The following OPCML variants were observed in gnomAD, a reference collection of about 807,000 sequenced individuals.
OPCML encodes the protein opioid binding protein/cell adhesion molecule like.
Under a neutral mutation model 37.8 loss-of-function variants are expected in OPCML, and 13 were observed. The observed-to-expected ratio is 0.34, with a 90% CI of 0.22 to 0.55. OPCML has a LOEUF of 0.55. Among genes scored for constraint, OPCML ranks in the 20% least tolerant of loss-of-function variants. The pLI is 0.91. For missense variants in OPCML, 341 were observed against 435.6 expected (o/e 0.78, Z 1.93); for synonymous variants, 176 against 168.8 (o/e 1.04, Z -0.33).
At chr11:133,363,360 T>C (rs933110510) in intron 1 of OPCML, among the ~76,000 whole-genome samples, 1 of 152,094 alleles carries the variant, frequency 6.6e-6, no homozygotes, top group African/African-American at 2.4e-5. Context: ...CTAGATGGCA[T>C]TGTGGTGAGT....
At chr11:133,167,715 C>T (rs1434357401) in intron 1 of OPCML, among the ~76,000 whole-genome samples, 1 of 152,078 alleles carries the variant, frequency 6.6e-6, no homozygotes, top group Non-Finnish European at 1.5e-5. Context: ...GTTCCTAAAG[C>T]TGTATTGCAG....
chr11:133,260,472 C>T lies in OPCML; in HGVS notation c.61+271792G>A, dbSNP rs537339079. ...CAGTATAGGTACTGATAAGGACGTACAGTCCTCAAAGGTGTTGAAGGTGGA... is the reference window on the plus strand; with the variant it reads ...CAGTATAGGTACTGATAAGGACGTATAGTCCTCAAAGGTGTTGAAGGTGGA... On this transcript the variant is annotated intron_variant, in intron 1 of 7. Coordinates refer to ENST00000524381, the MANE Select transcript of OPCML (RefSeq NM_001012393.5). Among the ~76,000 whole-genome samples the T allele has an allele frequency of 5.3e-5, 8 of 152,178 alleles. 2 individuals are homozygous for T. Among genetic ancestry groups the T allele is most frequent in the African/African-American group, 1.9e-4 (8 of 41,534 alleles).
intron 1 of OPCML, among the ~76,000 whole-genome samples, chr11:133,466,692 A>T (rs1946984765): frequency 6.6e-6 from 1 of 152,240 alleles, no homozygotes; most frequent in Non-Finnish European, 1.5e-5. Flanking sequence ...ACATTTCTTC[A>T]TATTAATGTA....
chr11:133,396,787 T>C (rs987350543), intron 1 of OPCML, among the ~76,000 whole-genome samples: 8 of 152,188 alleles, frequency 5.3e-5, no homozygotes, highest in African/African-American at 1.9e-4. Context: ...GTGCTCAACC[T>C]AGATTGCCCC....
chr11:133,195,595 T>C (rs1404122697), intron 1 of OPCML, among the ~76,000 whole-genome samples: 1 of 152,228 alleles, frequency 6.6e-6, no homozygotes, highest in Non-Finnish European at 1.5e-5. Context: ...AACATCTCCA[T>C]GGTATCTGTG....
chr11:132,781,956 T>TATA (rs60530108), intron 2 of OPCML, among the ~76,000 whole-genome samples: 681 of 50,802 alleles, frequency 0.013, 2 homozygotes, highest in African/African-American at 0.03. Context: ...ATATATATAT[T>TATA]TTTTTTTTTT....
At chr11:133,127,912 G>A (rs1949541453) in intron 1 of OPCML, among the ~76,000 whole-genome samples, 1 of 152,032 alleles carries the variant, frequency 6.6e-6, no homozygotes, top group African/African-American at 2.4e-5. Context: ...GGTCTGGTTG[G>A]CCAGCAGAAG....
chr11:132,904,083 C>G (rs534289394), intron 2 of OPCML, among the ~76,000 whole-genome samples: 1 of 152,080 alleles, frequency 6.6e-6, no homozygotes, highest in African/African-American at 2.4e-5. Context: ...GGCTGGCAAA[C>G]AAAGATTGGT....
intron 1 of OPCML, among the ~76,000 whole-genome samples, chr11:133,156,975 C>T (rs1276752151): frequency 6.6e-6 from 1 of 152,072 alleles, no homozygotes; most frequent in African/African-American, 2.4e-5. Context: ...GTTCCCTGCT[C>T]ACCCCACACG....
At chr11:133,364,757 T>C (rs1240674158) in intron 1 of OPCML, among the ~76,000 whole-genome samples, 1 of 152,144 alleles carries the variant, frequency 6.6e-6, no homozygotes. Context: ...TGGCACTTAG[T>C]GAGAACTCTG....
At chr11:132,903,195 T>C (rs1193102074) in intron 2 of OPCML, among the ~76,000 whole-genome samples, 1 of 152,190 alleles carries the variant, frequency 6.6e-6, no homozygotes, top group African/African-American at 2.4e-5. Context: ...TTAATCTGTC[T>C]ATAATCAGTC....
intron 2 of OPCML, among the ~76,000 whole-genome samples, chr11:132,740,356 T>A (rs1945399217): frequency 6.6e-6 from 1 of 152,190 alleles, no homozygotes. Context: ...ATCTTCCGCC[T>A]GGCATATCAT....
rs1268435861 is a variant in OPCML, at chr11:133,002,755, GAGA to G, written c.62-59748_62-59746del. Reference sequence around the variant, plus strand: ...GGGAAGGAGAAGTAGAAGGAGGAAAGAGAAGAAGGACAAAGGAAAGAGAGGGGG... The same window carrying G: ...GGGAAGGAGAAGTAGAAGGAGGAAAGAGAAGGACAAAGGAAAGAGAGGGGG... On this transcript the variant is annotated intron_variant, in intron 1 of 7. Transcript: ENST00000524381. Among the ~76,000 whole-genome samples, 8 of 123,754 alleles carry G rather than the reference GAGA, an allele frequency of 6.5e-5. No homozygotes were observed. In the East Asian group the frequency reaches 1.0e-3, roughly 15 times the overall value. The allele number at this position is 123,754 out of a possible 152,430, so 81.2% of individuals were successfully genotyped here. A position where few individuals can be genotyped will look rare whatever the true frequency, so the allele number is the denominator to read the frequency against.
At chr11:132,610,671 T>C (rs1296656971) in intron 3 of OPCML, among the ~76,000 whole-genome samples, 1 of 152,170 alleles carries the variant, frequency 6.6e-6, no homozygotes, top group Non-Finnish European at 1.5e-5. Context: ...ACCACATCAT[T>C]ATTTCTGAAG....
intron 4 of OPCML, among the ~76,000 whole-genome samples, chr11:132,479,619 G>A (rs917974064): frequency 2.0e-5 from 3 of 152,184 alleles, no homozygotes; most frequent in African/African-American, 7.2e-5. Context: ...AGACTTAAAT[G>A]TCCCTGTCTG....
intron 2 of OPCML, among the ~76,000 whole-genome samples, chr11:132,699,826 G>T (rs976823019): frequency 4.0e-5 from 6 of 151,892 alleles, no homozygotes; most frequent in African/African-American, 1.5e-4. Flanking sequence ...TAGTATCCTT[G>T]TCTGGCTTTG....
intron 3 of OPCML, among the ~76,000 whole-genome samples, chr11:132,623,246 T>C (rs999609689): frequency 6.6e-6 from 1 of 152,046 alleles, no homozygotes; most frequent in African/African-American, 2.4e-5. Context: ...GAAGTGTGAC[T>C]ACCTATCAAA....
chr11:133,082,938 G>A (rs1273100886), intron 1 of OPCML, among the ~76,000 whole-genome samples: 2 of 150,566 alleles, frequency 1.3e-5, no homozygotes, highest in African/African-American at 4.9e-5. Context: ...CGGGGCGGAC[G>A]TCGCGCCAGT....
At chr11:133,101,640 C>T (rs1353159266) in intron 1 of OPCML, among the ~76,000 whole-genome samples, 3 of 152,098 alleles carry the variant, frequency 2.0e-5, no homozygotes, top group African/African-American at 7.2e-5. Flanking sequence ...AATTGTATGG[C>T]TATTTTGGAA....
Sources: allele counts gnomAD v4.1 joint callset (sites outside exome capture counted in the v4.1 genomes callset), GRCh38; gene constraint gnomAD v4.1.1; transcripts MANE v1.5; gene names NCBI Gene and HGNC (gene_info 2026-07-23, HGNC 2026-07-21).